The following NEGR1 variants were observed in gnomAD, a reference collection of about 807,000 sequenced individuals.
The protein encoded by NEGR1 is IgLON family member 4.
NEGR1 carries 10 observed loss-of-function variants against 40.9 expected under a neutral mutation model. The ratio of observed to expected loss-of-function variants is 0.24; its 90% CI spans 0.15 to 0.42. NEGR1 has a LOEUF of 0.42. NEGR1 is among the 10% of genes least tolerant of loss of function. NEGR1 has a pLI of 1.00. For synonymous variants in NEGR1, 185 were observed against 166.8 expected, an observed-to-expected ratio of 1.11 and a Z score of -0.84; for missense variants, 352 against 438.9, an observed-to-expected ratio of 0.80 and a Z score of 1.77.
intron 1 of NEGR1, 144 bp downstream of exon 1, chr1:72,282,175 T>A: frequency 1.0e-6 from 1 of 999,442 alleles, no homozygotes; most frequent in Non-Finnish European, 1.5e-6. Flanking sequence ...GGGAAGAATC[T>A]GCACCTGGAA....
intron 2 of NEGR1, among the ~76,000 whole-genome samples, chr1:71,905,158 T>C (rs1258206831): frequency 6.6e-6 from 1 of 152,152 alleles, no homozygotes; most frequent in Non-Finnish European, 1.5e-5. Flanking sequence ...ACTTGAAGTG[T>C]CAATTATAAT....
At chr1:71,933,612 T>G (rs1053141076) in intron 2 of NEGR1, among the ~76,000 whole-genome samples, 2 of 152,052 alleles carry the variant, frequency 1.3e-5, no homozygotes, top group Admixed American at 6.6e-5. Flanking sequence ...TACAATCTCA[T>G]GTCGGTTTCT....
chr1:72,135,408 A>C (rs1251809774), intron 1 of NEGR1, among the ~76,000 whole-genome samples: 4 of 113,654 alleles, frequency 3.5e-5, no homozygotes, highest in East Asian at 2.8e-4. Flanking sequence ...AAAAAACAAA[A>C]AAAAAAACAA....
chr1:71,608,114 C>T (rs1164668898), intron 5 of NEGR1, among the ~76,000 whole-genome samples: 2 of 152,160 alleles, frequency 1.3e-5, no homozygotes, highest in African/African-American at 4.8e-5. Flanking sequence ...CTCAACTTTG[C>T]TTTACTTAAG....
At chr1:71,998,729 ATTCT>A (rs1646527904) in intron 1 of NEGR1, among the ~76,000 whole-genome samples, 1 of 151,266 alleles carries the variant, frequency 6.6e-6, no homozygotes, top group Non-Finnish European at 1.5e-5. Flanking sequence ...ATATATATTA[ATTCT>A]TTTATACATA....
intron 4 of NEGR1, among the ~76,000 whole-genome samples, chr1:71,623,738 G>A (rs1199866819): frequency 6.6e-5 from 10 of 151,806 alleles, no homozygotes; most frequent in African/African-American, 2.2e-4. Flanking sequence ...AGGAGGGGTG[G>A]TAGAAAAACT....
chr1:72,121,867 A>T (rs1453271883), intron 1 of NEGR1, among the ~76,000 whole-genome samples: 1 of 152,014 alleles, frequency 6.6e-6, no homozygotes, highest in African/African-American at 2.4e-5. Flanking sequence ...ATCTTTTTTT[A>T]AATTTATATG....
intron 6 of NEGR1, among the ~76,000 whole-genome samples, chr1:71,441,537 G>T (rs1448795424): frequency 6.6e-6 from 1 of 152,082 alleles, no homozygotes; most frequent in Non-Finnish European, 1.5e-5. Flanking sequence ...TGAGTGATTG[G>T]ATCATTCAGT....
chr1:71,886,579 T>C (rs978775533), intron 2 of NEGR1, among the ~76,000 whole-genome samples: 3 of 152,134 alleles, frequency 2.0e-5, no homozygotes, highest in Non-Finnish European at 4.4e-5. Context: ...GGCAGAACAG[T>C]CACCCCTACT....
chr1:71,756,980 A>G (rs1280510065), intron 3 of NEGR1, among the ~76,000 whole-genome samples: 2 of 152,144 alleles, frequency 1.3e-5, no homozygotes, highest in African/African-American at 2.4e-5. Context: ...TTATAAATTT[A>G]TGCAATAATA....
intron 6 of NEGR1, among the ~76,000 whole-genome samples, chr1:71,447,828 G>T (rs933264793): frequency 1.3e-5 from 2 of 152,142 alleles, no homozygotes; most frequent in Non-Finnish European, 2.9e-5. Flanking sequence ...GTGAATGAAT[G>T]AATGAAATAT....
chr1:71,629,205 T>C (rs2101562297), intron 4 of NEGR1, among the ~76,000 whole-genome samples: 1 of 152,244 alleles, frequency 6.6e-6, no homozygotes, highest in Middle Eastern at 3.4e-3. Context: ...CACGTAAATG[T>C]CTTCTTTTTA....
chr1:72,077,354 G>A (rs1330789279), intron 1 of NEGR1, among the ~76,000 whole-genome samples: 1 of 152,032 alleles, frequency 6.6e-6, no homozygotes, highest in African/African-American at 2.4e-5. Flanking sequence ...ATCACTTGCA[G>A]CTAGACCCAA....
At chr1:72,056,280 G>T (rs1368990442) in intron 1 of NEGR1, among the ~76,000 whole-genome samples, 1 of 151,198 alleles carries the variant, frequency 6.6e-6, no homozygotes, top group African/African-American at 2.4e-5. Flanking sequence ...TGAATAGAGA[G>T]ACCTTAATTT....
At chr1:71,790,858 G>A (rs1657090965) in intron 2 of NEGR1, among the ~76,000 whole-genome samples, 1 of 151,996 alleles carries the variant, frequency 6.6e-6, no homozygotes, top group Non-Finnish European at 1.5e-5. Context: ...TAAACTCAAG[G>A]AAAATGCCAT....
chr1:71,596,524 G>A lies in NEGR1; in HGVS notation c.789-3556C>T, dbSNP rs574440343. Among the ~76,000 whole-genome samples, 4 of 152,298 alleles carry A rather than the reference G, an allele frequency of 2.6e-5. No individual in the cohort carries two copies. The South Asian group carries it at 8.3e-4, about 32-fold the overall frequency. On this transcript the variant is annotated intron_variant, in intron 5 of 6. Transcript: ENST00000357731. The stretch of plus-strand genomic sequence containing the variant: ...TCACAAAATGGACAGAAACTTTACA[G>A]TCATAACCTCCCTCCAGGCAGCAGC...
chr1:72,035,234 T>C (rs1341590693), intron 1 of NEGR1, among the ~76,000 whole-genome samples: 2 of 152,208 alleles, frequency 1.3e-5, no homozygotes, highest in South Asian at 2.1e-4. Context: ...ACCAGCTTTC[T>C]CTGCATGCGG....
chr1:71,460,778 A>G (rs1016041813), intron 6 of NEGR1, among the ~76,000 whole-genome samples: 1 of 152,194 alleles, frequency 6.6e-6, no homozygotes, highest in Admixed American at 6.5e-5. Flanking sequence ...GAAGAAATAT[A>G]TATGGACACC....
At chr1:71,674,563 C>T (rs12086374) in intron 4 of NEGR1, among the ~76,000 whole-genome samples, 149,368 of 151,890 alleles carry the variant, frequency 0.98, 73,482 homozygotes, top group Middle Eastern at 1. Context: ...AATCGAAATA[C>T]TCTGCAGGCT....
Sources: gnomAD v4.1 joint callset for allele counts (sites outside exome capture counted in the v4.1 genomes callset) on GRCh38, gnomAD v4.1.1 for gene constraint, MANE v1.5 for transcripts, NCBI Gene and HGNC (gene_info 2026-07-23, HGNC 2026-07-21) for gene names.